KCTD19: variants seen among roughly 807,000 people sequenced by gnomAD.
KCTD19 encodes BTB/POZ domain-containing protein KCTD19.
KCTD19 carries 67 observed loss-of-function variants against 103.5 expected under a neutral mutation model. That is an observed-to-expected ratio of 0.65 (90% CI 0.53 to 0.79). KCTD19 has a LOEUF of 0.79. KCTD19 is among the 30% of genes least tolerant of loss of function. The probability of loss-of-function intolerance (pLI) is 0.00; values close to 1 mark genes in which losing one functional copy is unlikely to be tolerated. For missense variants in KCTD19, 980 were observed against 1,136.1 expected (o/e 0.86, Z 1.98); for synonymous variants, 439 against 452.2 (o/e 0.97, Z 0.37).
chr16:67,291,789 C>T lies in KCTD19; in HGVS notation c.2267G>A (p.Ser756Asn). The T allele has an allele frequency of 3.1e-6, 5 of 1,613,928 alleles. No homozygotes were observed. In the South Asian group the frequency reaches 4.4e-5, roughly 14 times the overall value. The part of the protein sequence containing the change: ...QPLPEASEVD[S>N]LGVILKVTHP... ...AGTCACTTTGAGGATAACCCCTAGG[C>T]TGTCCACCTCACTGGCCTCGGGCAG... Residue 756 changes from serine (S) to asparagine (N), a missense_variant, in exon 13 of 16, where the codon AGC (serine) becomes AAC (asparagine). Coordinates refer to ENST00000304372, the MANE Select transcript of KCTD19 (RefSeq NM_001100915.3).
At chr16:67,325,597 A>T (rs2037145094) in intron 1 of KCTD19, among the ~76,000 whole-genome samples, 1 of 151,918 alleles carries the variant, frequency 6.6e-6, no homozygotes, top group South Asian at 2.1e-4. Flanking sequence ...GCTCCTTCTT[A>T]CATACATGTC....
intron 6 of KCTD19, among the ~76,000 whole-genome samples, chr16:67,299,159 C>G (rs1441454582): frequency 6.6e-6 from 1 of 152,262 alleles, no homozygotes; most frequent in African/African-American, 2.4e-5. Flanking sequence ...CTTGGCAACC[C>G]TTGTACCTTG....
chr16:67,325,905 A>C (rs1215877748), intron 1 of KCTD19: 1 of 150,620 alleles, frequency 6.6e-6, no homozygotes, highest in Admixed American at 6.6e-5. Context: ...CGTCCAAGTA[A>C]ATTTCTTACC....
chr16:67,313,111 A>AT (rs59772510), intron 2 of KCTD19, among the ~76,000 whole-genome samples: 1,603 of 144,126 alleles, frequency 0.011, 22 homozygotes, highest in Non-Finnish European at 0.013. Flanking sequence ...TGAAATTAGA[A>AT]TTTTTTTTTT....
chr16:67,302,834 C>G (rs985765949), intron 4 of KCTD19: 10 of 361,962 alleles, frequency 2.8e-5, no homozygotes, highest in Non-Finnish European at 4.5e-5. Context: ...GAAGAGAAGC[C>G]GACTGGCAAC....
At chr16:67,289,726 G>T (rs2036651198) in intron 15 of KCTD19, 44 bp from the exon 16 acceptor site, 1 of 1,415,984 alleles carries the variant, frequency 7.1e-7, no homozygotes, top group Non-Finnish European at 1.0e-6. Flanking sequence ...CTGGCCAGTT[G>T]TCTACTCTAG....
At position 67,289,675 on chromosome 16, in the gene KCTD19, AG is replaced by A. The variant is rs1453170806; in HGVS notation, c.2674del (p.Leu892CysfsTer56). On this transcript the variant is annotated frameshift_variant, in exon 16 of 16. Coordinates refer to ENST00000304372, the MANE Select transcript of KCTD19 (RefSeq NM_001100915.3). LOFTEE classifies it high-confidence loss of function. The stretch of plus-strand genomic sequence containing the variant: ...TCGGCCATATTTCCTGGCGAAGGGC[AG>A]TGTAAGCTGGAAGGAAAGGCCAGTC... ...ERLYSWVELT[L>X]PFARKYGRCM... is the part of the protein sequence containing the mutation. 6.2e-7 allele frequency: 1 copy of A among 1,612,970 alleles called. No homozygotes were observed. Among genetic ancestry groups the A allele is most frequent in the Non-Finnish European group, 8.5e-7 (1 of 1,179,064 alleles).
chr16:67,304,767 G>T (rs913424855), intron 2 of KCTD19, among the ~76,000 whole-genome samples, 196 bp from the exon 3 acceptor site: 1 of 151,808 alleles, frequency 6.6e-6, no homozygotes, highest in Non-Finnish European at 1.5e-5. Context: ...GGGTTCAAGC[G>T]ATTCTCCTGC....
At chr16:67,313,806 G>A (rs903235983) in intron 2 of KCTD19, among the ~76,000 whole-genome samples, 2 of 151,202 alleles carry the variant, frequency 1.3e-5, no homozygotes, top group Non-Finnish European at 2.9e-5. Context: ...CAGGCTGGCC[G>A]CCTCAGCCTC....
rs1193834462 is a variant in KCTD19, at chr16:67,308,869, A to G, written c.301-4298T>C. ...GAGGGCTAGCCAGGTGCGGTGGCTC[A>G]CACCTGTAATCCCAGCACTTTGGGA... On this transcript the variant is annotated intron_variant, in intron 2 of 15. Transcript: ENST00000304372. 5.3e-5 allele frequency among the ~76,000 whole-genome samples: 8 copies of G among 152,146 alleles called. No individual in the cohort carries two copies. The East Asian group carries it at 7.7e-4, about 15-fold the overall frequency.
chr16:67,299,685 GA>G (rs2036812625), intron 5 of KCTD19, 112 bp from the exon 6 acceptor site: 1 of 814,624 alleles, frequency 1.2e-6, no homozygotes, highest in East Asian at 2.5e-5. Context: ...AGGCTCAGAG[GA>G]AGGATATTTC....
At chr16:67,291,551 C>T in intron 13 of KCTD19, 88 bp from the exon 14 acceptor site, 1 of 1,567,244 alleles carries the variant, frequency 6.4e-7, no homozygotes, top group South Asian at 1.2e-5. Flanking sequence ...GGGTAGGGCC[C>T]CCAGGGGCCA....
rs200929259 is a variant in KCTD19 at position 67,293,787 on chromosome 16, G to A, written c.1975C>T (p.Arg659Trp). ...GTGGCCTCCTCCAAGGGGCTGCTCCGTGTGGCTGTCAGTGGCTGGAATTCC... is the reference window on the plus strand; with the variant it reads ...GTGGCCTCCTCCAAGGGGCTGCTCCATGTGGCTGTCAGTGGCTGGAATTCC... ...QWEFQPLTAT[R>W]SSPLEEATLQ... is the part of the protein sequence containing the mutation. The change falls in exon 12 of 16, where the codon CGG (arginine) becomes TGG (tryptophan). Residue 659 changes from arginine to tryptophan, a missense_variant. Coordinates refer to ENST00000304372, the MANE Select transcript of KCTD19 (RefSeq NM_001100915.3). The surrounding 1 kb of genome is among the most constrained non-coding windows in gnomAD (Gnocchi z 4.0). 50 of 1,613,688 alleles carry A rather than the reference G, an allele frequency of 3.1e-5. No homozygotes were observed. The highest frequency in any genetic ancestry group is 9.3e-5 in the African/African-American group (7 of 74,906).
rs184923189 is a variant in KCTD19, at chr16:67,312,691, C to G, written c.300+7898G>C. ...ACATCCCTCAAAATCCACCATTCAT[C>G]TGGTTGCTCAGGAGAGAAACAAAGG... On this transcript the variant is annotated intron_variant, in intron 2 of 15. Transcript: ENST00000304372. Among the ~76,000 whole-genome samples the G allele has an allele frequency of 5.3e-5, 8 of 152,330 alleles. No homozygotes were observed. The East Asian group carries it at 1.4e-3, about 26-fold the overall frequency.
chr16:67,302,472 A>G (rs1344613916), intron 4 of KCTD19: 1 of 157,748 alleles, frequency 6.3e-6, no homozygotes, highest in African/African-American at 2.4e-5. Flanking sequence ...TTGGGCTCCT[A>G]GTGTAACTTG....
At position 67,293,572 on chromosome 16, in the gene KCTD19, G is replaced by A. The variant is rs772840477; in HGVS notation, c.2190C>T (p.Asp730=). 2 of 1,614,092 alleles carry A rather than the reference G, an allele frequency of 1.2e-6. No homozygotes were observed. Among genetic ancestry groups the A allele is most frequent in the Non-Finnish European group, 1.7e-6 (2 of 1,180,022 alleles). ...TCTCCTTGGTCCTCTGCTTGCTCCA[G>A]TCCTTCAGGGTGCCAGCTCTTTTTG... ...LPPKRAGTLK[D]WSKQRTKERE... The change falls in exon 12 of 16, where the codon GAC becomes GAT. Residue 730 remains aspartate (D), a synonymous_variant. Coordinates refer to ENST00000304372, the MANE Select transcript of KCTD19 (RefSeq NM_001100915.3). The surrounding 1 kb of genome is among the most constrained non-coding windows in gnomAD (Gnocchi z 4.0).
chr16:67,291,734 G>GA lies in KCTD19; in HGVS notation c.2321dup (p.Cys775LeufsTer5). 1.2e-6 allele frequency: 2 copies of GA among 1,614,168 alleles called. 1 individual carries two copies. The highest frequency in any genetic ancestry group is 3.3e-5 in the Admixed American group (2 of 60,022). On this transcript the variant is annotated frameshift_variant, in exon 13 of 16. Coordinates refer to ENST00000304372, the MANE Select transcript of KCTD19 (RefSeq NM_001100915.3). LOFTEE classifies it high-confidence loss of function. ...TGATGCTGTCCTCAAAGAACATGCA[G>GA]AAGCCATCGCTGCCCACCACGGGGG...
chr16:67,320,641 A>G lies in KCTD19; in HGVS notation c.248T>C (p.Leu83Pro), dbSNP rs956248621. 6.2e-7 allele frequency: 1 copy of G among 1,614,234 alleles called. No individual in the cohort carries two copies. Among genetic ancestry groups the G allele is most frequent in the African/African-American group, 1.3e-5 (1 of 75,062 alleles). ...CAATGCTTGCTCATACAGCAAGTTC[A>G]GTTCTGCACAACTGGAGAAGGAGAG... ...SKLSFSSCAE[L>P]NLLYEQALGL... Residue 83 changes from leucine to proline, a missense_variant, in exon 2 of 16, where the codon CTG becomes CCG. Physicochemically the swap from Leu to Pro is moderately conservative, Grantham distance 98. Transcript: ENST00000304372. The surrounding 1 kb of genome is among the most constrained non-coding windows in gnomAD (Gnocchi z 4.0).
At position 67,310,004 on chromosome 16, in the gene KCTD19, A is replaced by C. The variant is rs9788938; in HGVS notation, c.301-5433T>G. On this transcript the variant is annotated intron_variant, in intron 2 of 15. Transcript: ENST00000304372. ...ACAAAGATTGCCATCCTTGCCAGTC[A>C]GGTCATGCTGCAGGCCAGGCCCAGG... Among the ~76,000 whole-genome samples the C allele has an allele frequency of 7.2e-5, 11 of 152,354 alleles. No individual in the cohort carries two copies. In the East Asian group the frequency reaches 1.9e-3, roughly 27 times the overall value.
Sources: gnomAD v4.1 joint callset for allele counts (sites outside exome capture counted in the v4.1 genomes callset) on GRCh38, gnomAD v4.1.1 for gene constraint, Gnocchi (gnomAD v3.1) non-coding constraint, MANE v1.5 for transcripts, NCBI Gene and HGNC (gene_info 2026-07-23, HGNC 2026-07-21) for gene names.